MMP26: variants seen among roughly 807,000 people sequenced by gnomAD.
MMP26 encodes the protein matrix metalloproteinase-26.
A neutral mutation model predicts 31.0 loss-of-function variants in MMP26; 33 were observed. The observed-to-expected ratio is 1.06, with a 90% confidence interval of 0.81 to 1.42. MMP26 has a LOEUF of 1.42. Ranked by LOEUF, MMP26 falls within the 40% of genes most tolerant of loss-of-function variation. The pLI is 0.00. For synonymous variants in MMP26, 122 were observed against 114.9 expected (o/e 1.06, Z -0.40); for missense variants, 347 against 316.1 (o/e 1.10, Z -0.74).
intron 2 of MMP26, chr11:4,849,002 G>A (rs910342119): frequency 5.6e-6 from 9 of 1,614,132 alleles, no homozygotes; most frequent in Non-Finnish European, 7.6e-6. Flanking sequence ...AGAAGAGGAA[G>A]AAGTGCATTG....
intron 2 of MMP26, among the ~76,000 whole-genome samples, chr11:4,983,908 G>T (rs1175295672): frequency 1.3e-5 from 2 of 152,122 alleles, no homozygotes; most frequent in Non-Finnish European, 2.9e-5. Flanking sequence ...ATCCACAGGC[G>T]ATTCTATGCA....
chr11:4,746,486 T>A (rs988227302), intron 1 of MMP26, among the ~76,000 whole-genome samples: 1 of 152,184 alleles, frequency 6.6e-6, no homozygotes, highest in African/African-American at 2.4e-5. Flanking sequence ...TCAATATCCA[T>A]CTCACTACTT....
intron 2 of MMP26, among the ~76,000 whole-genome samples, chr11:4,970,071 A>C (rs2133629794): frequency 6.6e-6 from 1 of 152,334 alleles, no homozygotes; most frequent in East Asian, 1.9e-4. Context: ...ATAAACACAC[A>C]GACGAGCCAC....
chr11:4,818,589 T>C (rs1849452258), intron 2 of MMP26, among the ~76,000 whole-genome samples: 1 of 152,174 alleles, frequency 6.6e-6, no homozygotes, highest in Non-Finnish European at 1.5e-5. Context: ...TCGATATTTA[T>C]TTAATTATAA....
At chr11:4,748,903 T>C (rs1394146328) in intron 1 of MMP26, among the ~76,000 whole-genome samples, 2 of 152,072 alleles carry the variant, frequency 1.3e-5, no homozygotes, top group Non-Finnish European at 2.9e-5. Flanking sequence ...ATGCCTACTT[T>C]CACCACTTTT....
At chr11:4,805,146 AT>A (rs1849249807) in intron 2 of MMP26, among the ~76,000 whole-genome samples, 2 of 152,148 alleles carry the variant, frequency 1.3e-5, no homozygotes, top group South Asian at 2.1e-4. Context: ...CACTTGGCCA[AT>A]TTCTCAGAGT....
chr11:4,910,134 G>T (rs540609878), intron 2 of MMP26, among the ~76,000 whole-genome samples: 1 of 152,122 alleles, frequency 6.6e-6, no homozygotes, highest in African/African-American at 2.4e-5. Flanking sequence ...TTCCTTTCTG[G>T]AGACACAGAG....
chr11:4,860,911 C>T (rs1047903345), intron 2 of MMP26, among the ~76,000 whole-genome samples: 1 of 151,896 alleles, frequency 6.6e-6, no homozygotes, highest in South Asian at 2.1e-4. Flanking sequence ...TAGACATAAC[C>T]AAGATCTTAA....
At chr11:4,795,857 A>G (rs1331727743) in intron 2 of MMP26, among the ~76,000 whole-genome samples, 3 of 151,874 alleles carry the variant, frequency 2.0e-5, no homozygotes, top group Admixed American at 2.0e-4. Context: ...AGAGAGAGAG[A>G]GAGAGAGAGA....
At chr11:4,819,560 C>T (rs913509560) in intron 2 of MMP26, among the ~76,000 whole-genome samples, 6 of 117,648 alleles carry the variant, frequency 5.1e-5, no homozygotes, top group African/African-American at 9.6e-5. Flanking sequence ...TGAAATGAGT[C>T]GACTGATTTT....
At chr11:4,971,323 A>G (rs912383987) in intron 2 of MMP26, among the ~76,000 whole-genome samples, 7 of 152,200 alleles carry the variant, frequency 4.6e-5, no homozygotes, top group African/African-American at 1.2e-4. Flanking sequence ...TGTCCTTACT[A>G]TCATTCAACA....
At chr11:4,837,947 A>G (rs936075111) in intron 2 of MMP26, among the ~76,000 whole-genome samples, 12 of 150,080 alleles carry the variant, frequency 8.0e-5, no homozygotes, top group African/African-American at 2.8e-4. Flanking sequence ...ATTTAAATTC[A>G]TAAAAATTTT....
At chr11:4,822,095 G>A (rs778076767) in intron 2 of MMP26, 5 of 1,613,026 alleles carry the variant, frequency 3.1e-6, no homozygotes, top group Non-Finnish European at 4.2e-6. Context: ...CTGATCATTC[G>A]ATCTGTCCTC....
chr11:4,820,931 G>A (rs1849487964), intron 2 of MMP26, among the ~76,000 whole-genome samples: 2 of 152,096 alleles, frequency 1.3e-5, no homozygotes, highest in South Asian at 2.1e-4. Flanking sequence ...ACATATATGG[G>A]CCTGTGTGTC....
intron 1 of MMP26, among the ~76,000 whole-genome samples, chr11:4,726,807 G>C (rs892986608): frequency 6.6e-6 from 1 of 152,138 alleles, no homozygotes; most frequent in Non-Finnish European, 1.5e-5. Context: ...AGGAGTTTGA[G>C]ACTAGCCTAA....
chr11:4,706,535 G>A lies in MMP26; in HGVS notation c.-217+1490G>A, dbSNP rs965669026. ...TGAGGCTACAGTGAGCAGTGATTGC[G>A]CCACTGCACTCCAGCCTGGGCAACA... On this transcript the variant is annotated intron_variant, in intron 1 of 7. Transcript: ENST00000380390. Among the ~76,000 whole-genome samples, 26 of 133,696 alleles carry A rather than the reference G, an allele frequency of 1.9e-4. 1 individual carries two copies. Among genetic ancestry groups the A allele is most frequent in the Admixed American group, 4.4e-4 (5 of 11,264 alleles). 87.7% of individuals were successfully genotyped at this position (133,696 alleles called of 152,430 possible).
intron 2 of MMP26, chr11:4,849,236 A>G (rs760531132): frequency 5.8e-6 from 9 of 1,562,492 alleles, no homozygotes; most frequent in Non-Finnish European, 8.7e-7. Context: ...TGAACTCTGG[A>G]ACCTGAAAAA....
chr11:4,866,631 T>C (rs1850238415), intron 2 of MMP26, among the ~76,000 whole-genome samples: 1 of 152,120 alleles, frequency 6.6e-6, no homozygotes, highest in African/African-American at 2.4e-5. Context: ...GCCAAGGCAA[T>C]CTTAAGCAAA....
intron 2 of MMP26, among the ~76,000 whole-genome samples, chr11:4,800,037 A>G (rs1313393812): frequency 6.6e-6 from 1 of 152,160 alleles, no homozygotes; most frequent in African/African-American, 2.4e-5. Flanking sequence ...TTCCAGGCTC[A>G]GGATGCAAGC....
Sources: allele counts gnomAD v4.1 joint callset (sites outside exome capture counted in the v4.1 genomes callset), GRCh38; gene constraint gnomAD v4.1.1; transcripts MANE v1.5; gene names NCBI Gene and HGNC (gene_info 2026-07-23, HGNC 2026-07-21).